Variants in IL12RB2 observed in about 807,000 individuals in gnomAD.
IL12RB2 encodes the protein interleukin-12 receptor subunit beta-2.
A neutral mutation model predicts 89.4 loss-of-function variants in IL12RB2; 82 were observed. The observed-to-expected ratio is 0.92, with a 90% CI of 0.77 to 1.10. IL12RB2 has a LOEUF of 1.10. Ranked by LOEUF, IL12RB2 falls within the 50% of genes least tolerant of loss-of-function variation. The pLI is 0.00. For synonymous variants in IL12RB2, 368 were observed against 370.1 expected (o/e 0.99, Z 0.07); for missense variants, 963 against 1,031.9 (o/e 0.93, Z 0.92).
At position 67,397,529 on chromosome 1, in the gene IL12RB2, A is replaced by G. The variant is rs756201035; in HGVS notation, c.*1440A>G. Among the ~76,000 whole-genome samples, 9 of 152,196 alleles carry G rather than the reference A, an allele frequency of 5.9e-5. No individual in the cohort carries two copies. The highest frequency in any genetic ancestry group is 1.3e-4 in the Non-Finnish European group (9 of 68,028). On this transcript the variant is annotated 3_prime_UTR_variant, in exon 17 of 17. Coordinates refer to ENST00000674203, the MANE Select transcript of IL12RB2 (RefSeq NM_001374259.2). Reference sequence around the variant, plus strand: ...TGCCAGCTCAAGTTGAGCCTGGAAGATAACTCTCTTTTCCACAACATGGAC... The same window carrying G: ...TGCCAGCTCAAGTTGAGCCTGGAAGGTAACTCTCTTTTCCACAACATGGAC...
intron 9 of IL12RB2, among the ~76,000 whole-genome samples, chr1:67,347,521 T>A (rs1329955302): frequency 6.6e-6 from 1 of 152,252 alleles, no homozygotes; most frequent in Non-Finnish European, 1.5e-5. Flanking sequence ...TTACCACATT[T>A]TTAATGCTGA....
In IL12RB2 at chr1:67,328,228, C is replaced by T. The variant is rs1657589939; in HGVS notation, c.508C>T (p.Gln170Ter). 3.7e-6 allele frequency: 6 copies of T among 1,614,080 alleles called. No homozygotes were observed. Among genetic ancestry groups the T allele is most frequent in the Non-Finnish European group, 5.1e-6 (6 of 1,179,958 alleles). Reference protein sequence around the residue: ...QLSGPKNLTWQKQCKDIYCDY... With the variant: ...QLSGPKNLTW ...AAGTGGACCAAAAAATTTAACCTGG[C>T]AGAAGCAATGTAAAGACATTTATTG... Residue 170 changes from glutamine (Q) to a stop codon, truncating the protein, a stop_gained, in exon 6 of 17, where the codon CAG (glutamine) becomes TAG (stop). Coordinates refer to ENST00000674203, the MANE Select transcript of IL12RB2 (RefSeq NM_001374259.2). LOFTEE classifies it high-confidence loss of function.
chr1:67,342,435 GAAC>G (rs1365275020), intron 9 of IL12RB2, among the ~76,000 whole-genome samples: 1 of 152,164 alleles, frequency 6.6e-6, no homozygotes, highest in East Asian at 1.9e-4. Context: ...CAATAGAGGA[GAAC>G]AACTCCGTGC....
intron 10 of IL12RB2, among the ~76,000 whole-genome samples, chr1:67,361,040 TC>T (rs1661986432): frequency 6.6e-6 from 1 of 152,034 alleles, no homozygotes; most frequent in Non-Finnish European, 1.5e-5. Context: ...ACTGTAGCCA[TC>T]CTATCCCACT....
chr1:67,355,053 C>A (rs1250332261), intron 10 of IL12RB2, among the ~76,000 whole-genome samples: 4 of 151,414 alleles, frequency 2.6e-5, no homozygotes, highest in Non-Finnish European at 4.4e-5. Flanking sequence ...GAGTTGGAGG[C>A]TGCCGTGAGC....
chr1:67,365,689 A>G (rs1482946928), intron 10 of IL12RB2, among the ~76,000 whole-genome samples: 4 of 152,166 alleles, frequency 2.6e-5, no homozygotes, highest in Admixed American at 2.6e-4. Context: ...ATTGGGAAAA[A>G]TTGACTCACC....
chr1:67,313,831 AAGAGAG>A (rs113717316), intron 1 of IL12RB2, 76 bp from the exon 2 acceptor site: 1 of 150,772 alleles, frequency 6.6e-6, no homozygotes, highest in Admixed American at 6.6e-5. Context: ...ATCAGAGAGA[AAGAGAG>A]AGAGAGAGAG....
chr1:67,329,847 C>CATAAA, intron 7 of IL12RB2, 118 bp downstream of exon 7: 1 of 777,206 alleles, frequency 1.3e-6, no homozygotes. Context: ...CAAAAGTACA[C>CATAAA]ACGAGAGAAT....
In IL12RB2 at chr1:67,367,869, G is replaced by C; in HGVS notation, c.1303G>C (p.Asp435His). The C allele has an allele frequency of 6.2e-7, 1 of 1,610,120 alleles. No homozygotes were observed. The highest frequency in any genetic ancestry group is 1.1e-5 in the South Asian group (1 of 91,000). ...RQVSANSEGMDNILVTWQPPR... is the reference protein window; with the variant it reads ...RQVSANSEGMHNILVTWQPPR... ...GGTCTCTGCAAACTCAGAGGGCATG[G>C]ACAACATTCTGGTGACTTGGCAGCC... Residue 435 changes from aspartate (D) to histidine (H), a missense_variant, in exon 11 of 17, where the codon GAC becomes CAC. Transcript: ENST00000674203.
chr1:67,329,749 A>G lies in IL12RB2; in HGVS notation c.807+20A>G. 1.9e-6 allele frequency: 3 copies of G among 1,554,828 alleles called. No homozygotes were observed. Among genetic ancestry groups the G allele is most frequent in the Non-Finnish European group, 2.7e-6 (3 of 1,126,078 alleles). The stretch of plus-strand genomic sequence containing the variant: ...AATATGGTAATTATCTTTAGAGTGA[A>G]GGAAAAAACACTGAAGCATTCTTAA... On this transcript the variant is annotated intron_variant, in intron 7 of 16. Coordinates refer to ENST00000674203, the MANE Select transcript of IL12RB2 (RefSeq NM_001374259.2).
intron 10 of IL12RB2, 89 bp from the exon 11 acceptor site, chr1:67,367,736 T>G: frequency 1.2e-6 from 1 of 805,752 alleles, no homozygotes; most frequent in Admixed American, 1.7e-5. Flanking sequence ...AACTTTTTCG[T>G]TGGGATAAGC....
At chr1:67,353,406 A>T (rs549968476) in intron 10 of IL12RB2, among the ~76,000 whole-genome samples, 1 of 152,220 alleles carries the variant, frequency 6.6e-6, no homozygotes, top group Non-Finnish European at 1.5e-5. Context: ...GATACAAAAA[A>T]AAATAAAAAT....
chr1:67,350,786 T>C, intron 9 of IL12RB2, 84 bp from the exon 10 acceptor site: 1 of 1,577,254 alleles, frequency 6.3e-7, no homozygotes, highest in Middle Eastern at 1.9e-4. Flanking sequence ...AGCTGCCTAG[T>C]ACATCTGTAC....
At chr1:67,385,949 G>A (rs1458365601) in intron 14 of IL12RB2, among the ~76,000 whole-genome samples, 2 of 152,098 alleles carry the variant, frequency 1.3e-5, no homozygotes, top group Non-Finnish European at 2.9e-5. Flanking sequence ...GGTGGCTCAC[G>A]CCTGTAATCC....
At chr1:67,377,014 C>T (rs962735969) in intron 13 of IL12RB2, among the ~76,000 whole-genome samples, 18 of 152,220 alleles carry the variant, frequency 1.2e-4, no homozygotes, top group Non-Finnish European at 1.9e-4. Context: ...TCCACAAGGA[C>T]TTTTCTCAAC....
intron 8 of IL12RB2, among the ~76,000 whole-genome samples, chr1:67,331,825 C>T (rs1421055665): frequency 2.6e-5 from 4 of 151,226 alleles, no homozygotes; most frequent in Non-Finnish European, 4.4e-5. Flanking sequence ...GGCAACAGAT[C>T]GAGACTGCAT....
intron 4 of IL12RB2, among the ~76,000 whole-genome samples, chr1:67,326,334 C>A (rs568064336): frequency 1.3e-5 from 2 of 152,274 alleles, no homozygotes; most frequent in South Asian, 4.1e-4. Flanking sequence ...GAGTAAAAGG[C>A]TTGGACTTGA....
chr1:67,326,765 G>A lies in IL12RB2; in HGVS notation c.395G>A (p.Cys132Tyr). Reference sequence around the variant, plus strand: ...CCAGAACAGCCTCAAAATTTATCCTGCATACAGAAGGGAGAACAGGGGACT... The same window carrying A: ...CCAGAACAGCCTCAAAATTTATCCTACATACAGAAGGGAGAACAGGGGACT... ...VAPEQPQNLS[C>Y]IQKGEQGTVA... The change falls in exon 5 of 17, where the codon TGC becomes TAC. Residue 132 changes from cysteine to tyrosine, a missense_variant. Coordinates refer to ENST00000674203, the MANE Select transcript of IL12RB2 (RefSeq NM_001374259.2). The A allele has an allele frequency of 4.3e-6, 7 of 1,613,556 alleles. No individual in the cohort carries two copies. Among genetic ancestry groups the A allele is most frequent in the Non-Finnish European group, 5.9e-6 (7 of 1,179,722 alleles).
chr1:67,381,176 T>C (rs1664527423), intron 14 of IL12RB2, among the ~76,000 whole-genome samples: 1 of 152,190 alleles, frequency 6.6e-6, no homozygotes, highest in Non-Finnish European at 1.5e-5. Flanking sequence ...CCCAAGGTCA[T>C]GGAAGTGGTA....
Sources: gnomAD v4.1 joint callset for allele counts (sites outside exome capture counted in the v4.1 genomes callset) on GRCh38, gnomAD v4.1.1 for gene constraint, MANE v1.5 for transcripts, NCBI Gene and HGNC (gene_info 2026-07-23, HGNC 2026-07-21) for gene names.